The following ZBTB20 variants were observed in gnomAD, a reference collection of about 807,000 sequenced individuals.
The protein encoded by ZBTB20 is zinc finger and BTB domain containing 20, also known as zinc finger and BTB domain-containing protein 20.
A neutral mutation model predicts 56.9 loss-of-function variants in ZBTB20; 9 were observed. The ratio of observed to expected loss-of-function variants is 0.16; its 90% CI spans 0.10 to 0.28. ZBTB20 has a LOEUF of 0.28. ZBTB20 is among the 10% of genes least tolerant of loss of function. ZBTB20 has a pLI of 1.00. For missense variants in ZBTB20, 655 were observed against 1,003.0 expected (o/e 0.65, Z 4.69); for synonymous variants, 417 against 420.7 (o/e 0.99, Z 0.11).
At chr3:114,859,132 T>C (rs1051202998) in intron 4 of ZBTB20, among the ~76,000 whole-genome samples, 1 of 97,650 alleles carries the variant, frequency 1.0e-5, no homozygotes, top group Non-Finnish European at 2.1e-5. Context: ...CACAAGAGCA[T>C]TTCACATGAC....
At chr3:114,906,651 T>C (rs1252205073) in intron 3 of ZBTB20, among the ~76,000 whole-genome samples, 1 of 151,632 alleles carries the variant, frequency 6.6e-6, no homozygotes, top group East Asian at 1.9e-4. Flanking sequence ...TAGCATTATC[T>C]ATGGCATTTA....
At chr3:114,628,582 C>T (rs1432493660) in intron 6 of ZBTB20, among the ~76,000 whole-genome samples, 2 of 152,098 alleles carry the variant, frequency 1.3e-5, no homozygotes, top group Non-Finnish European at 2.9e-5. Flanking sequence ...CTTATTTCAC[C>T]TCCACCACCC....
intron 3 of ZBTB20, among the ~76,000 whole-genome samples, chr3:114,964,807 G>A (rs1256379348): frequency 1.3e-5 from 2 of 152,058 alleles, no homozygotes; most frequent in Non-Finnish European, 2.9e-5. Flanking sequence ...TGTAATATGA[G>A]GGATAGGAAA....
chr3:114,789,022 C>T (rs186839560), intron 5 of ZBTB20, among the ~76,000 whole-genome samples: 9 of 152,268 alleles, frequency 5.9e-5, no homozygotes, highest in African/African-American at 9.6e-5. Context: ...TCACACAACA[C>T]ACGAAGATTA....
chr3:114,856,136 A>T (rs1352835792), intron 4 of ZBTB20, among the ~76,000 whole-genome samples: 6 of 152,156 alleles, frequency 3.9e-5, no homozygotes, highest in Non-Finnish European at 7.3e-5. Context: ...GAGGGGGTTG[A>T]TTACTAAGTG....
chr3:114,670,459 A>G (rs2061302180), intron 6 of ZBTB20, among the ~76,000 whole-genome samples: 1 of 152,154 alleles, frequency 6.6e-6, no homozygotes, highest in Middle Eastern at 3.4e-3. Context: ...TACCTTCAAA[A>G]CACTTGCCTT....
intron 2 of ZBTB20, among the ~76,000 whole-genome samples, chr3:115,008,218 A>G (rs2079554989): frequency 1.3e-5 from 2 of 151,872 alleles, no homozygotes; most frequent in South Asian, 4.1e-4. Context: ...ATGACATATC[A>G]AACTGCAGTT....
chr3:114,327,039 T>C lies in ZBTB20; in HGVS notation c.*11966A>G, dbSNP rs1280626693. On this transcript the variant is annotated 3_prime_UTR_variant, in exon 12 of 12. Transcript: ENST00000675478. ...AAATCTTCCTATCCTCACGAATATA[T>C]ACTATAGTGTTTCTGTCTATTATTT... 1 of 152,158 alleles carries C rather than the reference T, an allele frequency of 6.6e-6. No individual in the cohort carries two copies. Among genetic ancestry groups the C allele is most frequent in the Non-Finnish European group, 1.5e-5 (1 of 68,026 alleles). The allele number at this position is 152,158 out of a possible 1,614,324, so 9.4% of individuals were successfully genotyped here. A position where few individuals can be genotyped will look rare whatever the true frequency, so the allele number is the denominator to read the frequency against.
chr3:114,839,478 A>C (rs1020991061), intron 4 of ZBTB20, among the ~76,000 whole-genome samples: 1 of 149,996 alleles, frequency 6.7e-6, no homozygotes. Flanking sequence ...AGAGAGAGAA[A>C]GAAAGAGAAA....
intron 5 of ZBTB20, among the ~76,000 whole-genome samples, chr3:114,703,567 A>G (rs2063524314): frequency 1.3e-5 from 2 of 152,208 alleles, no homozygotes; most frequent in South Asian, 4.1e-4. Context: ...ATTAAAAAGT[A>G]AATTAGCTAG....
At chr3:114,952,454 TG>T (rs2077101496) in intron 3 of ZBTB20, among the ~76,000 whole-genome samples, 1 of 152,084 alleles carries the variant, frequency 6.6e-6, no homozygotes, top group Non-Finnish European at 1.5e-5. Context: ...ATCCAATTTC[TG>T]GTATTCTTTT....
intron 2 of ZBTB20, among the ~76,000 whole-genome samples, chr3:115,048,152 G>A (rs1024708689): frequency 2.6e-5 from 4 of 152,158 alleles, no homozygotes; most frequent in African/African-American, 9.7e-5. Flanking sequence ...GTGAACCCGG[G>A]AGGCGGAGCT....
intron 3 of ZBTB20, among the ~76,000 whole-genome samples, chr3:114,930,040 A>C (rs1280004895): frequency 1.3e-5 from 2 of 152,218 alleles, no homozygotes; most frequent in Admixed American, 1.3e-4. Flanking sequence ...TCTTGCCAAA[A>C]TCCATATGAA....
At chr3:114,661,905 T>C (rs75942254) in intron 6 of ZBTB20, among the ~76,000 whole-genome samples, 25 of 146,844 alleles carry the variant, frequency 1.7e-4, no homozygotes, top group Admixed American at 1.5e-3. Flanking sequence ...TTTGCTTCTC[T>C]TTTTTTTTTT....
chr3:114,451,743 A>C (rs1321299261), intron 7 of ZBTB20, among the ~76,000 whole-genome samples: 1 of 152,176 alleles, frequency 6.6e-6, no homozygotes, highest in Non-Finnish European at 1.5e-5. Context: ...AGTGCAGGAC[A>C]CGTCGCCAAG....
intron 4 of ZBTB20, among the ~76,000 whole-genome samples, chr3:114,869,048 A>C (rs685488): frequency 0.99 from 150,697 of 152,210 alleles, 74,629 homozygotes; most frequent in Middle Eastern, 1. Flanking sequence ...GAGCTACTGG[A>C]ACCTCCTCAT....
chr3:115,006,002 GTTTTT>G (rs71146347), intron 2 of ZBTB20, among the ~76,000 whole-genome samples: 1 of 148,884 alleles, frequency 6.7e-6, no homozygotes, highest in Non-Finnish European at 1.5e-5. Context: ...ATTGCCAAAT[GTTTTT>G]TTTTTCTTTT....
intron 6 of ZBTB20, among the ~76,000 whole-genome samples, chr3:114,681,360 C>T (rs2061963896): frequency 6.6e-6 from 1 of 151,774 alleles, no homozygotes; most frequent in Admixed American, 6.6e-5. Context: ...GGGGTTTTGC[C>T]ATGTTGGCTA....
At chr3:114,644,544 C>A (rs368325017) in intron 6 of ZBTB20, among the ~76,000 whole-genome samples, 3 of 152,214 alleles carry the variant, frequency 2.0e-5, no homozygotes, top group East Asian at 3.9e-4. Context: ...GTCAAAACCA[C>A]AATGAAATAC....
Sources: allele counts gnomAD v4.1 joint callset (sites outside exome capture counted in the v4.1 genomes callset), GRCh38; gene constraint gnomAD v4.1.1; transcripts MANE v1.5; gene names NCBI Gene and HGNC (gene_info 2026-07-23, HGNC 2026-07-21).